The following GPR158 variants were observed in gnomAD, a reference collection of about 807,000 sequenced individuals.
GPR158 encodes the protein metabotropic glycine receptor.
In GPR158, 30 loss-of-function variants were observed where a neutral mutation model predicts 78.2. The ratio of observed to expected loss-of-function variants is 0.38; its 90% CI spans 0.29 to 0.52. GPR158 has a LOEUF of 0.52. Among genes scored for constraint, GPR158 ranks in the 20% least tolerant of loss-of-function variants. GPR158 has a pLI of 0.83. For synonymous variants in GPR158, 581 were observed against 591.1 expected, an observed-to-expected ratio of 0.98 and a Z score of 0.25; for missense variants, 1,463 against 1,523.5, an observed-to-expected ratio of 0.96 and a Z score of 0.66.
chr10:25,547,334 C>G (rs544353383), intron 5 of GPR158, among the ~76,000 whole-genome samples: 8 of 151,130 alleles, frequency 5.3e-5, no homozygotes, highest in Non-Finnish European at 1.2e-4. Flanking sequence ...ATTCTCCACC[C>G]TATTATTCAA....
intron 4 of GPR158, among the ~76,000 whole-genome samples, chr10:25,436,808 T>C (rs1294142183): frequency 6.6e-6 from 1 of 152,308 alleles, no homozygotes; most frequent in Non-Finnish European, 1.5e-5. Context: ...GCATGTTGAC[T>C]AGACAGTGAC....
chr10:25,370,820 A>T (rs1249607702), intron 2 of GPR158, among the ~76,000 whole-genome samples: 1 of 151,218 alleles, frequency 6.6e-6, no homozygotes, highest in African/African-American at 2.4e-5. Context: ...TTTGTAGGTC[A>T]CTCAGGACTT....
intron 4 of GPR158, among the ~76,000 whole-genome samples, chr10:25,453,995 A>G (rs1280361000): frequency 2.6e-5 from 4 of 152,192 alleles, no homozygotes; most frequent in Non-Finnish European, 4.4e-5. Context: ...TAGAGATTGC[A>G]TTGAATCTGT....
chr10:25,252,563 A>T (rs900937187), intron 2 of GPR158, among the ~76,000 whole-genome samples: 2 of 150,136 alleles, frequency 1.3e-5, no homozygotes, highest in African/African-American at 4.9e-5. Flanking sequence ...GTCTGTTGGA[A>T]TACCCTGCCG....
intron 2 of GPR158, among the ~76,000 whole-genome samples, chr10:25,312,900 C>A (rs1220643207): frequency 6.6e-6 from 1 of 151,838 alleles, no homozygotes; most frequent in Non-Finnish European, 1.5e-5. Context: ...AAATTTTAAC[C>A]CCCATATTTT....
intron 2 of GPR158, among the ~76,000 whole-genome samples, chr10:25,235,104 C>G (rs538576690): frequency 5.4e-4 from 82 of 152,256 alleles, no homozygotes; most frequent in African/African-American, 1.9e-3. Flanking sequence ...TGTGTTGAAG[C>G]TGAGCTTGAG....
intron 2 of GPR158, among the ~76,000 whole-genome samples, chr10:25,367,751 G>A (rs991862331): frequency 6.6e-6 from 1 of 151,700 alleles, no homozygotes; most frequent in Admixed American, 6.6e-5. Context: ...CTTCCTGCTG[G>A]ATTGGCATTT....
chr10:25,502,203 A>G (rs1588889338), intron 5 of GPR158, among the ~76,000 whole-genome samples: 1 of 152,292 alleles, frequency 6.6e-6, no homozygotes, highest in Non-Finnish European at 1.5e-5. Flanking sequence ...ATGGGCTTAT[A>G]TAACCTCAGA....
rs558357399 is a variant in GPR158 at position 25,435,747 on chromosome 10, A to T, written c.1335+23274A>T. On this transcript the variant is annotated intron_variant, in intron 4 of 10. Coordinates refer to ENST00000376351, the MANE Select transcript of GPR158 (RefSeq NM_020752.3). ...GGTCCTGTTGATTGATTATTAAACC[A>T]ACTTTTCTAGCTGCACTGTAGAGAA... Among the ~76,000 whole-genome samples, 3 of 152,344 alleles carry T rather than the reference A, an allele frequency of 2.0e-5. No homozygotes were observed. The East Asian group carries it at 5.8e-4, about 29-fold the overall frequency.
intron 4 of GPR158, among the ~76,000 whole-genome samples, chr10:25,440,336 C>T (rs1051567373): frequency 1.3e-5 from 2 of 152,104 alleles, no homozygotes; most frequent in African/African-American, 4.8e-5. Context: ...GTTGATCATG[C>T]CTTGAGCTGG....
chr10:25,582,879 A>T (rs192806655), intron 7 of GPR158, among the ~76,000 whole-genome samples: 398 of 152,330 alleles, frequency 2.6e-3, no homozygotes, highest in Middle Eastern at 0.017. Flanking sequence ...TAATTACCAC[A>T]GGCTATTCAA....
intron 6 of GPR158, among the ~76,000 whole-genome samples, chr10:25,565,758 T>G (rs2130725841): frequency 6.6e-6 from 1 of 152,292 alleles, no homozygotes; most frequent in South Asian, 2.1e-4. Context: ...TGTTAACGCT[T>G]AAGGTTCTTG....
At chr10:25,512,316 T>C (rs1390195535) in intron 5 of GPR158, among the ~76,000 whole-genome samples, 1 of 152,202 alleles carries the variant, frequency 6.6e-6, no homozygotes, top group Non-Finnish European at 1.5e-5. Flanking sequence ...GTCGAATTCT[T>C]GATTTAATTA....
chr10:25,176,689 G>A lies in GPR158; in HGVS notation c.902+367G>A, dbSNP rs897888862. Among the ~76,000 whole-genome samples, 4 of 152,254 alleles carry A rather than the reference G, an allele frequency of 2.6e-5. No individual in the cohort carries two copies. The highest frequency in any genetic ancestry group is 7.2e-5 in the African/African-American group (3 of 41,478). On this transcript the variant is annotated intron_variant, in intron 1 of 10. Transcript: ENST00000376351. The surrounding 1 kb of genome is among the most constrained non-coding windows in gnomAD (Gnocchi z 6.3). ...CACCGGGGGGCGATGCGACAACTTG[G>A]CGAGCGCCGGGTGTGTCCGCGGAGT...
At chr10:25,219,087 T>G (rs1368990983) in intron 1 of GPR158, among the ~76,000 whole-genome samples, 4 of 152,202 alleles carry the variant, frequency 2.6e-5, no homozygotes, top group Non-Finnish European at 5.9e-5. Flanking sequence ...GCTTACATGA[T>G]TGGATTAACT....
intron 3 of GPR158, among the ~76,000 whole-genome samples, chr10:25,411,488 C>T (rs540214971): frequency 2.6e-5 from 4 of 152,256 alleles, no homozygotes; most frequent in African/African-American, 9.6e-5. Flanking sequence ...GGATTCTGGG[C>T]TATCTAGGTC....
intron 2 of GPR158, among the ~76,000 whole-genome samples, chr10:25,372,952 A>T (rs1288493551): frequency 6.6e-6 from 1 of 152,030 alleles, no homozygotes; most frequent in African/African-American, 2.4e-5. Context: ...ATTACTCGGT[A>T]TATACCCAAA....
intron 2 of GPR158, 125 bp downstream of exon 2, chr10:25,221,282 C>T (rs1287719799): frequency 3.7e-6 from 2 of 539,582 alleles, no homozygotes; most frequent in East Asian, 3.1e-5. Flanking sequence ...GGTCTCAGTG[C>T]TGCCAAATGA....
intron 5 of GPR158, among the ~76,000 whole-genome samples, chr10:25,530,896 A>G (rs1450024230): frequency 2.0e-5 from 3 of 152,126 alleles, no homozygotes; most frequent in African/African-American, 7.2e-5. Context: ...TCTCCATCCG[A>G]GCAGTAGACC....
Sources: gnomAD v4.1 joint callset for allele counts (sites outside exome capture counted in the v4.1 genomes callset) on GRCh38, gnomAD v4.1.1 for gene constraint, Gnocchi (gnomAD v3.1) non-coding constraint, MANE v1.5 for transcripts, NCBI Gene and HGNC (gene_info 2026-07-23, HGNC 2026-07-21) for gene names.